The following KHDRBS2 variants were observed in gnomAD, a reference collection of about 807,000 sequenced individuals.
KHDRBS2 encodes KH RNA binding domain containing, signal transduction associated 2.
In KHDRBS2, 26 loss-of-function variants were observed where a neutral mutation model predicts 44.3. The ratio of observed to expected loss-of-function variants is 0.59; its 90% CI spans 0.43 to 0.81. KHDRBS2 has a LOEUF of 0.81. Among genes scored for constraint, KHDRBS2 ranks in the 40% least tolerant of loss-of-function variants. The probability of loss-of-function intolerance (pLI) is 0.00; values close to 1 mark genes in which losing one functional copy is unlikely to be tolerated. For missense variants in KHDRBS2, 476 were observed against 433.1 expected (o/e 1.10, Z -0.88); for synonymous variants, 194 against 151.1 (o/e 1.28, Z -2.08).
rs1785774449 is a variant in KHDRBS2 at position 62,038,439 on chromosome 6, G to T, written c.336+9439C>A. On this transcript the variant is annotated intron_variant, in intron 3 of 8. Transcript: ENST00000281156. ...GTGAAGAGCCCAAATAAATTTTCAAGCATTCATGACAACTCTACTCAAGTA... is the reference window on the plus strand; with the variant it reads ...GTGAAGAGCCCAAATAAATTTTCAATCATTCATGACAACTCTACTCAAGTA... Among the ~76,000 whole-genome samples the T allele has an allele frequency of 2.6e-5, 4 of 151,816 alleles. No homozygotes were observed. In the South Asian group the frequency reaches 8.3e-4, roughly 31 times the overall value.
At chr6:61,597,997 C>A in the KHDRBS2 span, among the ~76,000 whole-genome samples, 1 of 148,826 alleles carries the variant, frequency 6.7e-6, no homozygotes, top group South Asian at 2.1e-4. Flanking sequence ...ATCTAAGGAG[C>A]AAATATTTTG....
intron 5 of KHDRBS2, among the ~76,000 whole-genome samples, chr6:61,898,678 C>T (rs920803146): frequency 1.3e-5 from 2 of 151,842 alleles, no homozygotes; most frequent in Admixed American, 1.3e-4. Context: ...GGATTTAGAA[C>T]CCAGGCATTC....
the KHDRBS2 span, among the ~76,000 whole-genome samples, chr6:61,671,965 T>C: frequency 2.0e-5 from 3 of 151,910 alleles, no homozygotes; most frequent in Non-Finnish European, 4.4e-5. Context: ...CATCTAGCAT[T>C]AGGTATATCT....
chr6:62,149,379 G>C (rs1393047559), intron 2 of KHDRBS2, among the ~76,000 whole-genome samples: 1 of 151,546 alleles, frequency 6.6e-6, no homozygotes, highest in Admixed American at 6.6e-5. Flanking sequence ...AAATGTCTTT[G>C]AGATCCTATG....
intron 3 of KHDRBS2, among the ~76,000 whole-genome samples, chr6:61,996,264 T>C (rs979769557): frequency 9.2e-5 from 14 of 152,180 alleles, no homozygotes; most frequent in African/African-American, 2.9e-4. Flanking sequence ...GAAAATAATT[T>C]ACATGAAAAT....
At chr6:62,091,553 A>G (rs1196244078) in intron 2 of KHDRBS2, among the ~76,000 whole-genome samples, 1 of 152,200 alleles carries the variant, frequency 6.6e-6, no homozygotes, top group Non-Finnish European at 1.5e-5. Flanking sequence ...CAGTTTCTTA[A>G]AAGTCCATAT....
intron 6 of KHDRBS2, among the ~76,000 whole-genome samples, chr6:61,892,734 C>T (rs1583366501): frequency 6.6e-6 from 1 of 152,306 alleles, no homozygotes; most frequent in East Asian, 1.9e-4. Context: ...TTCCTTACAC[C>T]TTATACAAAA....
chr6:61,609,092 C>T, the KHDRBS2 span, among the ~76,000 whole-genome samples: 1 of 152,026 alleles, frequency 6.6e-6, no homozygotes, highest in Non-Finnish European at 1.5e-5. Context: ...ACATCCTCTC[C>T]AGCATCTGTA....
chr6:62,172,713 A>AC (rs1585054881), intron 2 of KHDRBS2, among the ~76,000 whole-genome samples: 1 of 151,220 alleles, frequency 6.6e-6, no homozygotes, highest in East Asian at 1.9e-4. Context: ...AAAAAAAAAA[A>AC]AAAAAACCTG....
At chr6:62,050,365 A>G (rs1324700948) in intron 2 of KHDRBS2, among the ~76,000 whole-genome samples, 1 of 151,652 alleles carries the variant, frequency 6.6e-6, no homozygotes, top group Non-Finnish European at 1.5e-5. Flanking sequence ...GCAAACCACC[A>G]TGGCATGTGT....
chr6:61,733,188 G>T (rs1774765278), intron 6 of KHDRBS2, among the ~76,000 whole-genome samples: 1 of 151,862 alleles, frequency 6.6e-6, no homozygotes, highest in Non-Finnish European at 1.5e-5. Context: ...ATAAACTACA[G>T]GATCCTTAAA....
chr6:62,245,166 T>C (rs1263183559), intron 1 of KHDRBS2, among the ~76,000 whole-genome samples: 1 of 152,186 alleles, frequency 6.6e-6, no homozygotes, highest in Non-Finnish European at 1.5e-5. Flanking sequence ...TTCTTCATCA[T>C]GTTAATGCTT....
intron 3 of KHDRBS2, among the ~76,000 whole-genome samples, chr6:62,037,688 T>C (rs1584295124): frequency 6.6e-6 from 1 of 151,922 alleles, no homozygotes; most frequent in East Asian, 1.9e-4. Flanking sequence ...TTTGTTTGCC[T>C]TTTTTTAAAA....
chr6:61,942,139 T>C (rs1375274679), intron 4 of KHDRBS2, among the ~76,000 whole-genome samples: 1 of 151,138 alleles, frequency 6.6e-6, no homozygotes, highest in Non-Finnish European at 1.5e-5. Context: ...AAAAGAAAAA[T>C]GTAGAGACAG....
At chr6:61,618,031 T>G in the KHDRBS2 span, among the ~76,000 whole-genome samples, 5 of 152,194 alleles carry the variant, frequency 3.3e-5, no homozygotes, top group Admixed American at 1.3e-4. Context: ...TTGATACAAA[T>G]TTTTAAAATA....
At chr6:61,769,626 T>TA in intron 6 of KHDRBS2, among the ~76,000 whole-genome samples, 1 of 151,788 alleles carries the variant, frequency 6.6e-6, no homozygotes, top group East Asian at 2.0e-4. Flanking sequence ...GCAGCGAGGC[T>TA]GGGGGGGCGG....
chr6:62,174,445 C>T (rs548135507), intron 2 of KHDRBS2, among the ~76,000 whole-genome samples: 1 of 151,552 alleles, frequency 6.6e-6, no homozygotes, highest in South Asian at 2.1e-4. Flanking sequence ...TATAATATGA[C>T]ATATTTCCCC....
chr6:61,612,128 A>T, the KHDRBS2 span, among the ~76,000 whole-genome samples: 1 of 114,578 alleles, frequency 8.7e-6, no homozygotes, highest in African/African-American at 3.4e-5. Context: ...TATCCTGAAA[A>T]TTTCCTATGT....
At chr6:62,022,218 T>TTAAAAATGTTTAAATAAAGAAG (rs1484122197) in intron 3 of KHDRBS2, among the ~76,000 whole-genome samples, 1 of 151,606 alleles carries the variant, frequency 6.6e-6, no homozygotes, top group African/African-American at 2.4e-5. Context: ...TCCTTATGAA[T>TTAAAAATGTTTAAATAAAGAAG]TAAAAATGTT....
Sources: allele counts gnomAD v4.1 joint callset (sites outside exome capture counted in the v4.1 genomes callset), GRCh38; gene constraint gnomAD v4.1.1; transcripts MANE v1.5; gene names NCBI Gene and HGNC (gene_info 2026-07-23, HGNC 2026-07-21).